Variants in EMC7 observed in about 807,000 individuals in gnomAD.
The protein encoded by EMC7 is endoplasmic reticulum membrane protein complex subunit 7.
A neutral mutation model predicts 24.4 loss-of-function variants in EMC7; 4 were observed. The ratio of observed to expected loss-of-function variants is 0.16; its 90% CI spans 0.08 to 0.38. The LOEUF (loss-of-function observed/expected upper bound fraction) is 0.38. EMC7 is among the 10% of genes least tolerant of loss of function. The pLI is 1.00. For missense variants in EMC7, 221 were observed against 300.6 expected (o/e 0.74, Z 1.96); for synonymous variants, 106 against 112.0 (o/e 0.95, Z 0.34).
chr15:34,088,139 GAA>G lies in EMC7; in HGVS notation c.496-8_496-7del. ...GGAAGAACCATCATCATAACCTGCAGAAAAAAAAAATCCAGAAAATGTTTTTC... is the reference window on the plus strand; with the variant it reads ...GGAAGAACCATCATCATAACCTGCAGAAAAAAAATCCAGAAAATGTTTTTC... On this transcript the variant is annotated splice_region_variant and splice_polypyrimidine_tract_variant and intron_variant, in intron 3 of 4. Transcript: ENST00000256545. 6.7e-7 allele frequency: 1 copy of G among 1,487,732 alleles called. No homozygotes were observed. 92.2% of individuals were successfully genotyped at this position (1,487,732 alleles called of 1,614,324 possible).
At chr15:34,096,139 A>C in intron 1 of EMC7, 125 bp from the exon 2 acceptor site, 1 of 1,113,516 alleles carries the variant, frequency 9.0e-7, no homozygotes, top group Non-Finnish European at 1.2e-6. Context: ...AAACAAACAA[A>C]ACCTTGGCGA....
intron 3 of EMC7, among the ~76,000 whole-genome samples, chr15:34,089,211 G>A (rs916852987): frequency 5.3e-5 from 8 of 152,104 alleles, no homozygotes; most frequent in Non-Finnish European, 1.0e-4. Context: ...AAAAGAAAAG[G>A]TCGATTTGTT....
At chr15:34,094,533 TCAAA>T (rs113000289) in intron 2 of EMC7, among the ~76,000 whole-genome samples, 6 of 151,912 alleles carry the variant, frequency 3.9e-5, no homozygotes, top group African/African-American at 9.7e-5. Context: ...AGACTCCATC[TCAAA>T]CAAACAAACA....
intron 1 of EMC7, among the ~76,000 whole-genome samples, chr15:34,096,412 C>A (rs1048850584): frequency 2.6e-5 from 4 of 151,992 alleles, no homozygotes; most frequent in Admixed American, 2.6e-4. Flanking sequence ...CTCGGGTAAT[C>A]CACCCGTCTC....
chr15:34,097,614 A>C (rs895928616), intron 1 of EMC7, among the ~76,000 whole-genome samples: 4 of 152,212 alleles, frequency 2.6e-5, no homozygotes, highest in African/African-American at 9.7e-5. Flanking sequence ...CAGGAAAACA[A>C]ATGGTTCTAA....
At chr15:34,093,571 A>C (rs1218582294) in intron 2 of EMC7, among the ~76,000 whole-genome samples, 1 of 151,224 alleles carries the variant, frequency 6.6e-6, no homozygotes, top group African/African-American at 2.4e-5. Context: ...AAAAAATACA[A>C]GTATTCCCTT....
Position 34,084,634 on chromosome 15 carries a change from A to C in EMC7, c.577-148T>G, listed in dbSNP as rs1900846274. On this transcript the variant is annotated intron_variant, in intron 4 of 4. Transcript: ENST00000256545. ...GCAACATCATACTCAGTAGTACTTC[A>C]CCTATATATCATTAGTAACTATTTT... is the stretch of plus-strand genomic sequence containing the variant. 3 of 704,870 alleles carry C rather than the reference A, an allele frequency of 4.3e-6. No individual in the cohort carries two copies. In the African/African-American group the frequency reaches 5.4e-5, roughly 13 times the overall value. The allele number at this position is 704,870 out of a possible 1,614,324, so 43.7% of individuals were successfully genotyped here.
At position 34,086,590 on chromosome 15, in the gene EMC7, G is replaced by A. The variant is rs377572478; in HGVS notation, c.576+1463C>T. Among the ~76,000 whole-genome samples the A allele has an allele frequency of 1.9e-3, 296 of 152,210 alleles. 2 individuals carry two copies. Among genetic ancestry groups the A allele is most frequent in the African/African-American group, 6.0e-3 (251 of 41,530 alleles). On this transcript the variant is annotated intron_variant, in intron 4 of 4. Coordinates refer to ENST00000256545, the MANE Select transcript of EMC7 (RefSeq NM_020154.3). Reference sequence around the variant, plus strand: ...ATTACAGGCATGCGCCACCATGCCCGGCTAATTTTTTTGTATTTAGTAGAG... The same window carrying A: ...ATTACAGGCATGCGCCACCATGCCCAGCTAATTTTTTTGTATTTAGTAGAG...
chr15:34,098,457 CTTTTTT>C (rs560201784), intron 1 of EMC7, among the ~76,000 whole-genome samples: 3 of 132,328 alleles, frequency 2.3e-5, no homozygotes, highest in Non-Finnish European at 3.2e-5. Flanking sequence ...TTCTTTCTTT[CTTTTTT>C]TTTTTTTTTT....
At chr15:34,094,300 G>A (rs1156758136) in intron 2 of EMC7, among the ~76,000 whole-genome samples, 1 of 151,830 alleles carries the variant, frequency 6.6e-6, no homozygotes, top group Non-Finnish European at 1.5e-5. Flanking sequence ...CCAGGACTTT[G>A]GGAGGCGGGC....
chr15:34,093,100 T>C (rs925762913), intron 2 of EMC7, among the ~76,000 whole-genome samples: 6 of 152,198 alleles, frequency 3.9e-5, no homozygotes, highest in African/African-American at 1.4e-4. Flanking sequence ...ACTTAAAGTA[T>C]GGTTTCTACT....
At position 34,097,954 on chromosome 15, in the gene EMC7, T is replaced by A. The variant is rs1047187613; in HGVS notation, c.237-1940A>T. On this transcript the variant is annotated intron_variant, in intron 1 of 4. Coordinates refer to ENST00000256545, the MANE Select transcript of EMC7 (RefSeq NM_020154.3). ...ATTGCACTCCAGCCTGGGTGACAGATCGAGACTCCGTCTCAAAAAAAAAAA... is the reference window on the plus strand; with the variant it reads ...ATTGCACTCCAGCCTGGGTGACAGAACGAGACTCCGTCTCAAAAAAAAAAA... Among the ~76,000 whole-genome samples, 6 of 138,984 alleles carry A rather than the reference T, an allele frequency of 4.3e-5. No individual in the cohort carries two copies. The East Asian group carries it at 1.2e-3, about 28-fold the overall frequency. The allele number at this position is 138,984 out of a possible 152,430, so 91.2% of individuals were successfully genotyped here.
At chr15:34,098,712 G>A (rs371993552) in intron 1 of EMC7, among the ~76,000 whole-genome samples, 3 of 147,828 alleles carry the variant, frequency 2.0e-5, no homozygotes, top group Non-Finnish European at 4.4e-5. Context: ...CTGGTGATCC[G>A]CCTGCCTCGG....
rs143977091 is a variant in EMC7 at position 34,092,636 on chromosome 15, G to A, written c.357-2181C>T. ...GCTGGGATTACAGGTGTGAGCCACC[G>A]TGCCCAGCCCCATCCCTAATTATTA... On this transcript the variant is annotated intron_variant, in intron 2 of 4. Coordinates refer to ENST00000256545, the MANE Select transcript of EMC7 (RefSeq NM_020154.3). Among the ~76,000 whole-genome samples, 91 of 152,100 alleles carry A rather than the reference G, an allele frequency of 6.0e-4. 1 individual carries two copies. The East Asian group carries it at 0.016, about 27-fold the overall frequency.
intron 1 of EMC7, among the ~76,000 whole-genome samples, chr15:34,098,422 T>C (rs1358264085): frequency 1.3e-5 from 2 of 151,804 alleles, no homozygotes; most frequent in Non-Finnish European, 2.9e-5. Context: ...CTTCTACTTC[T>C]TAATGGGACC....
At chr15:34,090,055 T>C (rs1900954542) in intron 3 of EMC7, among the ~76,000 whole-genome samples, 1 of 152,256 alleles carries the variant, frequency 6.6e-6, no homozygotes, top group African/African-American at 2.4e-5. Context: ...CTTATTCTAT[T>C]TGAAATGTAA....
At chr15:34,089,252 C>G (rs185815728) in intron 3 of EMC7, among the ~76,000 whole-genome samples, 35 of 152,202 alleles carry the variant, frequency 2.3e-4, no homozygotes, top group Admixed American at 2.1e-3. Flanking sequence ...TGATAGTCAA[C>G]AATAATTTAT....
intron 4 of EMC7, among the ~76,000 whole-genome samples, chr15:34,087,310 G>A (rs959249549): frequency 6.6e-5 from 10 of 152,128 alleles, no homozygotes; most frequent in African/African-American, 2.2e-4. Flanking sequence ...ATGCATGATG[G>A]TTTTTTGAAA....
chr15:34,096,213 C>T (rs777014127), intron 1 of EMC7, among the ~76,000 whole-genome samples, 199 bp from the exon 2 acceptor site: 1 of 152,242 alleles, frequency 6.6e-6, no homozygotes, highest in African/African-American at 2.4e-5. Flanking sequence ...CTGCGACGCT[C>T]AGGGTGGAGT....
Sources: gnomAD v4.1 joint callset for allele counts (sites outside exome capture counted in the v4.1 genomes callset) on GRCh38, gnomAD v4.1.1 for gene constraint, MANE v1.5 for transcripts, NCBI Gene and HGNC (gene_info 2026-07-23, HGNC 2026-07-21) for gene names.